The following LRRC40 variants were observed in gnomAD, a reference collection of about 807,000 sequenced individuals.
LRRC40 encodes the protein leucine rich repeat containing 40, also known as leucine-rich repeat-containing protein 40.
Under a neutral mutation model 72.8 loss-of-function variants are expected in LRRC40, and 76 were observed. The ratio of observed to expected loss-of-function variants is 1.04; its 90% confidence interval spans 0.87 to 1.26. LRRC40 has a LOEUF of 1.26. Ranked by LOEUF, LRRC40 falls within the 50% of genes most tolerant of loss-of-function variation. The pLI is 0.00. For synonymous variants in LRRC40, 243 were observed against 254.2 expected (o/e 0.96, Z 0.42); for missense variants, 684 against 698.9 (o/e 0.98, Z 0.24).
chr1:70,164,876 A>C (rs916561452), intron 9 of LRRC40, among the ~76,000 whole-genome samples: 1 of 152,226 alleles, frequency 6.6e-6, no homozygotes, highest in African/African-American at 2.4e-5. Flanking sequence ...TACCTAGCCT[A>C]TTGATGTAGA....
At chr1:70,202,260 T>A (rs1364431121) in intron 1 of LRRC40, among the ~76,000 whole-genome samples, 1 of 152,142 alleles carries the variant, frequency 6.6e-6, no homozygotes, top group African/African-American at 2.4e-5. Context: ...AGCTGCTTTA[T>A]TCATAACTGC....
Position 70,182,286 on chromosome 1 carries a change from T to C in LRRC40, c.538-1077A>G, listed in dbSNP as rs559721890. Among the ~76,000 whole-genome samples, 7 of 152,100 alleles carry C rather than the reference T, an allele frequency of 4.6e-5. No homozygotes were observed. In the East Asian group the frequency reaches 1.3e-3, roughly 29 times the overall value. On this transcript the variant is annotated intron_variant, in intron 4 of 14. Transcript: ENST00000370952. The stretch of plus-strand genomic sequence containing the variant: ...AAAGTTACTAACACTAAATGCAATG[T>C]GGTATCCTGCATTGGACTCTGAAAC...
At chr1:70,179,735 G>C (rs969479045) in intron 5 of LRRC40, among the ~76,000 whole-genome samples, 1 of 152,024 alleles carries the variant, frequency 6.6e-6, no homozygotes, top group African/African-American at 2.4e-5. Flanking sequence ...AGTCCATGCT[G>C]CTTATGTCTT....
intron 1 of LRRC40, among the ~76,000 whole-genome samples, chr1:70,204,118 C>T (rs987369502): frequency 1.3e-5 from 2 of 152,184 alleles, no homozygotes; most frequent in Admixed American, 6.5e-5. Context: ...GTTTAACAGA[C>T]GAAACCACCT....
chr1:70,175,837 A>G lies in LRRC40; in HGVS notation c.950T>C (p.Leu317Pro). Residue 317 changes from leucine (L) to proline (P), a missense_variant, in exon 7 of 15, where the codon CTT (leucine) becomes CCT (proline). Physicochemically the swap from Leu to Pro is moderately conservative, Grantham distance 98 (BLOSUM62 -3). Coordinates refer to ENST00000370952, the MANE Select transcript of LRRC40 (RefSeq NM_017768.5). ...ACTAATATCATTGTTGCTTAGGTCA[A>G]GCCTTTCCAAGGACCGTAGTAGTAT... ...EIILLRSLER[L>P]DLSNNDISSL... The G allele has an allele frequency of 6.3e-7, 1 of 1,577,244 alleles. No homozygotes were observed. Among genetic ancestry groups the G allele is most frequent in the Non-Finnish European group, 8.6e-7 (1 of 1,166,182 alleles).
chr1:70,144,871 CATAAT>C lies in LRRC40; in HGVS notation c.*924_*928del, dbSNP rs1414628285. On this transcript the variant is annotated 3_prime_UTR_variant, in exon 15 of 15. Transcript: ENST00000370952. ...ATTTATCTTTATTAGCAATTTTTTT[CATAAT>C]ATAAGCATGCCTCAATCATCCAAAA... 3 of 151,970 alleles carry C rather than the reference CATAAT, an allele frequency of 2.0e-5. No individual in the cohort carries two copies. Among genetic ancestry groups the C allele is most frequent in the Admixed American group, 1.3e-4 (2 of 15,258 alleles). The allele number at this position is 151,970 out of a possible 1,614,324, so 9.4% of individuals were successfully genotyped here. A position where few individuals can be genotyped will look rare whatever the true frequency, so the allele number is the denominator to read the frequency against.
In LRRC40 at chr1:70,199,215, TCACACACA is replaced by T. The variant is rs3223615; in HGVS notation, c.151+6167_151+6174del. Among the ~76,000 whole-genome samples, 1,062 of 140,514 alleles carry T rather than the reference TCACACACA, an allele frequency of 7.6e-3. 7 individuals are homozygous for T. Among genetic ancestry groups the T allele is most frequent in the African/African-American group, 0.017 (612 of 36,748 alleles). The allele number at this position is 140,514 out of a possible 152,430, so 92.2% of individuals were successfully genotyped here. A position where few individuals can be genotyped will look rare whatever the true frequency, so the allele number is the denominator to read the frequency against. Reference sequence around the variant, plus strand: ...AATAGCAGTCAAATTATACATAGTCTCACACACACACACACACACACACACACACACAC... The same window carrying T: ...AATAGCAGTCAAATTATACATAGTCTCACACACACACACACACACACACAC... On this transcript the variant is annotated intron_variant, in intron 1 of 14. Transcript: ENST00000370952.
chr1:70,185,588 T>A (rs1204880780), intron 3 of LRRC40, among the ~76,000 whole-genome samples: 1 of 152,256 alleles, frequency 6.6e-6, no homozygotes, highest in Non-Finnish European at 1.5e-5. Context: ...ATCAGCAGCA[T>A]GAAAACGGAC....
At chr1:70,187,037 T>A (rs914563493) in intron 3 of LRRC40, among the ~76,000 whole-genome samples, 1 of 150,776 alleles carries the variant, frequency 6.6e-6, no homozygotes, top group Admixed American at 6.6e-5. Context: ...TTAAAAAAAA[T>A]CAACTAGCCT....
In LRRC40 at chr1:70,189,090, A is replaced by C. The variant is rs1187784201; in HGVS notation, c.333+2T>G. The C allele has an allele frequency of 6.2e-7, 1 of 1,606,212 alleles. No homozygotes were observed. The highest frequency in any genetic ancestry group is 8.5e-7 in the Non-Finnish European group (1 of 1,176,528). On this transcript the variant is annotated splice_donor_variant, in intron 2 of 14. Transcript: ENST00000370952. LOFTEE classifies it high-confidence loss of function. The stretch of plus-strand genomic sequence containing the variant: ...ATCCATATTTATAGTCAGTCAACTT[A>C]CATCAAGAACAGTCAGTGCAGGCAA...
intron 9 of LRRC40, among the ~76,000 whole-genome samples, chr1:70,161,873 CAG>C (rs1351480157): frequency 6.6e-6 from 1 of 152,062 alleles, no homozygotes; most frequent in Non-Finnish European, 1.5e-5. Context: ...GAGACGAAGA[CAG>C]AAGATGAACT....
At chr1:70,197,029 C>T (rs962003825) in intron 1 of LRRC40, among the ~76,000 whole-genome samples, 1 of 152,148 alleles carries the variant, frequency 6.6e-6, no homozygotes, top group South Asian at 2.1e-4. Flanking sequence ...AGCAGCATGG[C>T]TCAACAGAAC....
At chr1:70,159,264 G>A (rs1667705897) in intron 10 of LRRC40, 66 bp downstream of exon 10, 1 of 655,276 alleles carries the variant, frequency 1.5e-6, no homozygotes, top group African/African-American at 1.9e-5. Context: ...AGAAGCTCAA[G>A]ACCAGCCTGG....
chr1:70,186,104 A>G (rs141482708), intron 3 of LRRC40, among the ~76,000 whole-genome samples: 1 of 152,320 alleles, frequency 6.6e-6, no homozygotes, highest in African/African-American at 2.4e-5. Flanking sequence ...TTGGTTACCT[A>G]GCTGAAATCT....
At chr1:70,156,982 GT>G (rs1416591362) in intron 10 of LRRC40, among the ~76,000 whole-genome samples, 1 of 151,998 alleles carries the variant, frequency 6.6e-6, no homozygotes, top group Admixed American at 6.6e-5. Flanking sequence ...AGATTTAACT[GT>G]TTTTTTAATG....
chr1:70,171,378 G>T (rs184218471), intron 9 of LRRC40, among the ~76,000 whole-genome samples: 333 of 148,984 alleles, frequency 2.2e-3, no homozygotes, highest in Non-Finnish European at 3.7e-3. Context: ...ATACTTCAAA[G>T]AACAACATCA....
At chr1:70,170,738 AT>A (rs557471996) in intron 9 of LRRC40, among the ~76,000 whole-genome samples, 59 of 152,340 alleles carry the variant, frequency 3.9e-4, no homozygotes, top group Non-Finnish European at 7.9e-4. Context: ...ATGGAAAAAC[AT>A]TCCATGCTCA....
chr1:70,180,632 T>G (rs1021359100), intron 5 of LRRC40, among the ~76,000 whole-genome samples: 22 of 152,152 alleles, frequency 1.4e-4, no homozygotes, highest in African/African-American at 4.6e-4. Flanking sequence ...CAATAAATTT[T>G]GACATTTTGG....
At chr1:70,184,708 A>C in intron 4 of LRRC40, 77 bp downstream of exon 4, 1 of 1,342,210 alleles carries the variant, frequency 7.5e-7, no homozygotes, top group Non-Finnish European at 1.0e-6. Flanking sequence ...AGTTTCAATC[A>C]TCTATCTTAA....
Sources: gnomAD v4.1 joint callset for allele counts (sites outside exome capture counted in the v4.1 genomes callset) on GRCh38, gnomAD v4.1.1 for gene constraint, MANE v1.5 for transcripts, NCBI Gene and HGNC (gene_info 2026-07-23, HGNC 2026-07-21) for gene names.